The following JARID2 variants were observed in gnomAD, a reference collection of about 807,000 sequenced individuals.
JARID2 encodes the protein protein Jumonji.
A neutral mutation model predicts 125.6 loss-of-function variants in JARID2; 21 were observed. That is an observed-to-expected ratio of 0.17 (90% CI 0.12 to 0.24). JARID2 has a LOEUF of 0.24. Ranked by LOEUF, JARID2 falls within the 10% of genes least tolerant of loss-of-function variation. JARID2 has a pLI of 1.00. For missense variants in JARID2, 1,303 were observed against 1,639.6 expected, an observed-to-expected ratio of 0.79 and a Z score of 3.55; for synonymous variants, 736 against 661.6, an observed-to-expected ratio of 1.11 and a Z score of -1.73.
In JARID2 at chr6:15,387,036, C is replaced by T. The variant is rs536633846; in HGVS notation, c.181+12784C>T. 1.1e-4 allele frequency among the ~76,000 whole-genome samples: 16 copies of T among 152,242 alleles called. No homozygotes were observed. In the East Asian group the frequency reaches 1.9e-3, roughly 18 times the overall value. On this transcript the variant is annotated intron_variant, in intron 2 of 17. Coordinates refer to ENST00000341776, the MANE Select transcript of JARID2 (RefSeq NM_004973.4). ...CCACTGTTTTTAATCTGTGAGTATT[C>T]GGAATACTCAGCCTGGGTGTGTATT...
Position 15,511,358 on chromosome 6 carries a change from C to T in JARID2, c.2909C>T (p.Ala970Val). ...GATGTGGTCCACACCCTGCTGCAAG[C>T]CAATGGCACCCCAGGGCTGCAGATG... ...LEDVVHTLLQ[A>V]NGTPGLQMLE... Residue 970 changes from alanine (A) to valine (V), a missense_variant, in exon 13 of 18, where the codon GCC becomes GTC. Physicochemically the swap from Ala to Val is moderately conservative, Grantham distance 64 (BLOSUM62 0). This residue lies in a region of JARID2 where 190 missense variants were observed against 341.4 expected (regional missense o/e 0.56). Coordinates refer to ENST00000341776, the MANE Select transcript of JARID2 (RefSeq NM_004973.4). 1 of 1,613,932 alleles carries T rather than the reference C, an allele frequency of 6.2e-7. No homozygotes were observed. Among genetic ancestry groups the T allele is most frequent in the Non-Finnish European group, 8.5e-7 (1 of 1,179,984 alleles).
Position 15,512,238 on chromosome 6 carries a change from A to G in JARID2, c.2983A>G (p.Ile995Val). 1.2e-6 allele frequency: 2 copies of G among 1,614,060 alleles called. No homozygotes were observed. The highest frequency in any genetic ancestry group is 2.2e-5 in the South Asian group (2 of 91,068). Reference protein sequence around the residue: ...ISPEVLCKEGIKVHRTVQQSG... With the variant: ...ISPEVLCKEGVKVHRTVQQSG... Reference sequence around the variant, plus strand: ...CCCGGAGGTGCTGTGCAAAGAGGGGATCAAGGTGCACAGGACCGTGCAGCA... The same window carrying G: ...CCCGGAGGTGCTGTGCAAAGAGGGGGTCAAGGTGCACAGGACCGTGCAGCA... Residue 995 changes from isoleucine to valine, a missense_variant, in exon 14 of 18, where the codon ATC becomes GTC. By Grantham distance (29) the Ile-to-Val change is conservative. Around this residue, in one of 11 missense-constraint regions of JARID2, gnomAD observed 190 missense variants for 341.4 expected, o/e 0.56. Transcript: ENST00000341776.
chr6:15,306,725 AT>A (rs1187160857), intron 1 of JARID2, among the ~76,000 whole-genome samples: 3 of 151,712 alleles, frequency 2.0e-5, no homozygotes, highest in Non-Finnish European at 4.4e-5. Context: ...CTTAAACTTA[AT>A]TTTTAGGTAC....
chr6:15,328,878 A>G (rs2127452584), intron 1 of JARID2, among the ~76,000 whole-genome samples: 1 of 152,374 alleles, frequency 6.6e-6, no homozygotes, highest in South Asian at 2.1e-4. Flanking sequence ...TTAGATGTCT[A>G]GCTGCTGAGG....
intron 3 of JARID2, among the ~76,000 whole-genome samples, chr6:15,449,587 G>C (rs1474587183): frequency 6.6e-6 from 1 of 151,998 alleles, no homozygotes; most frequent in African/African-American, 2.4e-5. Flanking sequence ...AAGATCTCCT[G>C]AGCCCAGGAA....
intron 1 of JARID2, among the ~76,000 whole-genome samples, chr6:15,325,497 G>A (rs1355161272): frequency 6.6e-6 from 1 of 152,166 alleles, no homozygotes; most frequent in Non-Finnish European, 1.5e-5. Context: ...AGGGTACTTT[G>A]ACCAGTCCAT....
chr6:15,358,078 G>C lies in JARID2; in HGVS notation c.46-16039G>C, dbSNP rs1001035616. Among the ~76,000 whole-genome samples, 5 of 152,146 alleles carry C rather than the reference G, an allele frequency of 3.3e-5. No individual in the cohort carries two copies. The East Asian group carries it at 9.6e-4, about 29-fold the overall frequency. On this transcript the variant is annotated intron_variant, in intron 1 of 17. Transcript: ENST00000341776. ...TTTTGGCCTCTGGGGCGTGTCTGCT[G>C]TGTTTCTTTGTGTGGGCATGTATGT... is the stretch of plus-strand genomic sequence containing the variant.
chr6:15,271,268 A>C (rs559466377), intron 1 of JARID2, among the ~76,000 whole-genome samples: 1 of 152,222 alleles, frequency 6.6e-6, no homozygotes, highest in African/African-American at 2.4e-5. Flanking sequence ...TTCTAATCAC[A>C]CAAGGATCTT....
At chr6:15,322,787 G>A (rs1008825127) in intron 1 of JARID2, among the ~76,000 whole-genome samples, 1 of 152,188 alleles carries the variant, frequency 6.6e-6, no homozygotes, top group Non-Finnish European at 1.5e-5. Context: ...GGTAGCAGTA[G>A]GGGAGATTTC....
chr6:15,434,619 G>A (rs1426184256), intron 3 of JARID2, among the ~76,000 whole-genome samples: 2 of 152,172 alleles, frequency 1.3e-5, no homozygotes, highest in African/African-American at 4.8e-5. Flanking sequence ...TGAATTCCAT[G>A]GAGTGTTAAT....
At chr6:15,352,965 G>C (rs1394647864) in intron 1 of JARID2, among the ~76,000 whole-genome samples, 1 of 152,164 alleles carries the variant, frequency 6.6e-6, no homozygotes. Context: ...TGGACACTTG[G>C]CTGGGTGGTT....
intron 3 of JARID2, among the ~76,000 whole-genome samples, chr6:15,412,277 A>T (rs1765910024): frequency 6.6e-6 from 1 of 152,086 alleles, no homozygotes; most frequent in Non-Finnish European, 1.5e-5. Context: ...TAGCCTTCAA[A>T]TGTGTAGTGT....
intron 2 of JARID2, among the ~76,000 whole-genome samples, chr6:15,387,905 A>C (rs1764849027): frequency 6.6e-6 from 1 of 152,104 alleles, no homozygotes; most frequent in Non-Finnish European, 1.5e-5. Context: ...CTATCTGTTT[A>C]ACAGTAATTC....
At chr6:15,275,322 A>G (rs1204425664) in intron 1 of JARID2, among the ~76,000 whole-genome samples, 1 of 152,090 alleles carries the variant, frequency 6.6e-6, no homozygotes, top group African/African-American at 2.4e-5. Flanking sequence ...CCTTTTTTAC[A>G]AAGGCCATGT....
chr6:15,458,140 T>C (rs1336887881), intron 4 of JARID2, among the ~76,000 whole-genome samples: 1 of 152,234 alleles, frequency 6.6e-6, no homozygotes, highest in African/African-American at 2.4e-5. Context: ...CATCGCCGTA[T>C]TCCCTGTCAC....
chr6:15,462,888 A>T (rs1013581263), intron 4 of JARID2, among the ~76,000 whole-genome samples: 1 of 152,238 alleles, frequency 6.6e-6, no homozygotes, highest in African/African-American at 2.4e-5. Flanking sequence ...AAGCTTTTGG[A>T]TTAAAATGAT....
At chr6:15,278,661 G>GGTACA (rs1194333592) in intron 1 of JARID2, among the ~76,000 whole-genome samples, 6 of 152,306 alleles carry the variant, frequency 3.9e-5, no homozygotes, top group African/African-American at 1.4e-4. Flanking sequence ...GTAGCTGGCT[G>GGTACA]GTACAGCTCA....
chr6:15,389,062 C>T (rs1168924770), intron 2 of JARID2, among the ~76,000 whole-genome samples: 1 of 152,172 alleles, frequency 6.6e-6, no homozygotes, highest in Non-Finnish European at 1.5e-5. Context: ...TGGTAGTCTG[C>T]TTTTAGCTTT....
chr6:15,448,245 G>T (rs1428960616), intron 3 of JARID2, among the ~76,000 whole-genome samples: 2 of 152,058 alleles, frequency 1.3e-5, no homozygotes, highest in African/African-American at 4.8e-5. Context: ...ATGTGTTATT[G>T]CCTTATTTTT....
Sources: allele counts gnomAD v4.1 joint callset (sites outside exome capture counted in the v4.1 genomes callset), GRCh38; gene constraint gnomAD v4.1.1; regional missense constraint gnomAD v4.1.1; transcripts MANE v1.5; gene names NCBI Gene and HGNC (gene_info 2026-07-23, HGNC 2026-07-21).